The following DCC variants were observed in gnomAD, a reference collection of about 807,000 sequenced individuals.
DCC encodes netrin receptor DCC.
Under a neutral mutation model 172.5 loss-of-function variants are expected in DCC, and 58 were observed. The observed-to-expected ratio is 0.34, with a 90% CI of 0.27 to 0.42. The LOEUF is 0.42. DCC is among the 10% of genes least tolerant of loss of function. The pLI is 1.00. For missense variants in DCC, 1,740 were observed against 1,791.0 expected, an observed-to-expected ratio of 0.97 and a Z score of 0.51; for synonymous variants, 709 against 644.5, an observed-to-expected ratio of 1.10 and a Z score of -1.52.
rs534075790 is a variant in DCC at position 53,292,120 on chromosome 18, C to T, written c.1912-13458C>T. ...TTTTATTCTTTGAGCTCCACCCCCC[C>T]CCCCTTTTTTCCTGTAAGCTGGGCT... On this transcript the variant is annotated intron_variant, in intron 12 of 28. Transcript: ENST00000442544. Among the ~76,000 whole-genome samples, 3 of 151,812 alleles carry T rather than the reference C, an allele frequency of 2.0e-5. No individual in the cohort carries two copies. The East Asian group carries it at 5.9e-4, about 30-fold the overall frequency.
chr18:52,955,522 T>C (rs1241622716), intron 5 of DCC, among the ~76,000 whole-genome samples: 1 of 152,116 alleles, frequency 6.6e-6, no homozygotes, highest in Non-Finnish European at 1.5e-5. Flanking sequence ...TATGTGTAGA[T>C]TTTTGTGGGC....
At chr18:53,018,131 C>G (rs549369140) in intron 5 of DCC, among the ~76,000 whole-genome samples, 1 of 152,132 alleles carries the variant, frequency 6.6e-6, no homozygotes, top group East Asian at 1.9e-4. Context: ...AACAAACATG[C>G]ACATTCTGCA....
chr18:53,351,317 A>ATATAT (rs1568074591), intron 15 of DCC, among the ~76,000 whole-genome samples: 1 of 23,948 alleles, frequency 4.2e-5, no homozygotes, highest in Non-Finnish European at 8.4e-5. Flanking sequence ...ATATATATAC[A>ATATAT]CTGTATATAT....
At chr18:53,327,656 A>G (rs544227230) in intron 14 of DCC, among the ~76,000 whole-genome samples, 67 of 152,286 alleles carry the variant, frequency 4.4e-4, no homozygotes, top group African/African-American at 1.4e-3. Flanking sequence ...GAAATAGGTA[A>G]TCAGCCTTAT....
intron 14 of DCC, among the ~76,000 whole-genome samples, chr18:53,324,814 T>G (rs1352353566): frequency 6.6e-6 from 1 of 152,208 alleles, no homozygotes; most frequent in Non-Finnish European, 1.5e-5. Flanking sequence ...TTTTATAGAT[T>G]TATGTTTTAT....
At chr18:53,497,703 CT>C (rs1016376885) in intron 26 of DCC, among the ~76,000 whole-genome samples, 16 of 152,178 alleles carry the variant, frequency 1.1e-4, no homozygotes, top group Non-Finnish European at 1.8e-4. Context: ...AATTTAGTGC[CT>C]TGTATAACAC....
At chr18:52,910,053 G>A (rs1314344172) in intron 3 of DCC, among the ~76,000 whole-genome samples, 2 of 152,144 alleles carry the variant, frequency 1.3e-5, no homozygotes, top group East Asian at 3.9e-4. Context: ...GGAAGAAGCT[G>A]GAAAGAAGGG....
At chr18:53,165,626 A>G (rs1024296853) in intron 8 of DCC, among the ~76,000 whole-genome samples, 2 of 152,200 alleles carry the variant, frequency 1.3e-5, no homozygotes, top group African/African-American at 4.8e-5. Flanking sequence ...TTTTTAATTC[A>G]TTGAATGAGA....
At chr18:53,510,000 A>G (rs2046230881) in intron 27 of DCC, among the ~76,000 whole-genome samples, 1 of 152,232 alleles carries the variant, frequency 6.6e-6, no homozygotes, top group African/African-American at 2.4e-5. Context: ...TAGTATTTAT[A>G]AATTTGTCCT....
At chr18:52,679,751 C>CG (rs1297317362) in intron 1 of DCC, among the ~76,000 whole-genome samples, 1 of 152,104 alleles carries the variant, frequency 6.6e-6, no homozygotes, top group Non-Finnish European at 1.5e-5. Flanking sequence ...GTTATTACCA[C>CG]AAAATTGTGT....
chr18:53,165,414 C>T (rs1320257014), intron 8 of DCC, among the ~76,000 whole-genome samples: 5 of 152,096 alleles, frequency 3.3e-5, no homozygotes, highest in Admixed American at 1.3e-4. Flanking sequence ...ATTCTTTCCC[C>T]GCTCTTCAGA....
At chr18:53,268,905 C>A (rs1407783503) in intron 12 of DCC, among the ~76,000 whole-genome samples, 2 of 152,072 alleles carry the variant, frequency 1.3e-5, no homozygotes, top group African/African-American at 4.8e-5. Flanking sequence ...GCAAAGACCA[C>A]CTTTGGGATA....
At chr18:52,991,928 T>C (rs1164996275) in intron 5 of DCC, among the ~76,000 whole-genome samples, 1 of 152,206 alleles carries the variant, frequency 6.6e-6, no homozygotes, top group African/African-American at 2.4e-5. Flanking sequence ...AAATCACTTA[T>C]TATAACGCAA....
chr18:52,571,392 G>C (rs1177964799), intron 1 of DCC, among the ~76,000 whole-genome samples: 1 of 137,744 alleles, frequency 7.3e-6, no homozygotes, highest in Non-Finnish European at 1.7e-5. Context: ...ATTGTTAATG[G>C]TCACCTGTTT....
intron 2 of DCC, among the ~76,000 whole-genome samples, chr18:52,795,718 T>G (rs548771303): frequency 1.3e-5 from 2 of 152,186 alleles, no homozygotes; most frequent in Non-Finnish European, 2.9e-5. Flanking sequence ...TCCACTTTTA[T>G]GATGTCATTT....
chr18:53,248,579 C>T (rs1482785075), intron 12 of DCC, among the ~76,000 whole-genome samples: 3 of 151,958 alleles, frequency 2.0e-5, no homozygotes, highest in African/African-American at 2.4e-5. Context: ...TGGAAAATAG[C>T]GAAGAACGAA....
intron 1 of DCC, among the ~76,000 whole-genome samples, chr18:52,614,030 T>A: frequency 6.6e-6 from 1 of 152,194 alleles, no homozygotes; most frequent in East Asian, 1.9e-4. Context: ...CAGACTGTTC[T>A]GGAATAGATT....
chr18:53,517,690 C>T (rs567606204), intron 27 of DCC, among the ~76,000 whole-genome samples: 15 of 152,078 alleles, frequency 9.9e-5, no homozygotes, highest in African/African-American at 2.7e-4. Context: ...CTCATCAGCA[C>T]GTCCCCAGTG....
chr18:52,886,622 A>G (rs1481336364), intron 2 of DCC, among the ~76,000 whole-genome samples: 1 of 151,678 alleles, frequency 6.6e-6, no homozygotes, highest in Non-Finnish European at 1.5e-5. Flanking sequence ...TGTCTATTGG[A>G]GGAGGGGGGT....
Sources: gnomAD v4.1 joint callset for allele counts (sites outside exome capture counted in the v4.1 genomes callset) on GRCh38, gnomAD v4.1.1 for gene constraint, MANE v1.5 for transcripts, NCBI Gene and HGNC (gene_info 2026-07-23, HGNC 2026-07-21) for gene names.